PIEZO2: variants seen among roughly 807,000 people sequenced by gnomAD.
PIEZO2 encodes piezo type mechanosensitive ion channel component 2.
In PIEZO2, 172 loss-of-function variants were observed where a neutral mutation model predicts 337.3. The observed-to-expected ratio is 0.51, with a 90% CI of 0.45 to 0.58. PIEZO2 has a LOEUF of 0.58. PIEZO2 is among the 20% of genes least tolerant of loss of function. The pLI is 0.00. For missense variants in PIEZO2, 3,028 were observed against 3,391.3 expected (o/e 0.89, Z 2.66); for synonymous variants, 1,251 against 1,228.5 (o/e 1.02, Z -0.38).
At chr18:11,147,623 T>C (rs2040842358) in intron 1 of PIEZO2, among the ~76,000 whole-genome samples, 1 of 152,196 alleles carries the variant, frequency 6.6e-6, no homozygotes, top group Admixed American at 6.5e-5. Flanking sequence ...CTAGCTCTTG[T>C]TGGTGAGAGG....
At position 11,028,449 on chromosome 18, in the gene PIEZO2, C is replaced by T. The variant is rs558272989; in HGVS notation, c.160+37678G>A. Among the ~76,000 whole-genome samples the T allele has an allele frequency of 2.6e-5, 4 of 152,130 alleles. No homozygotes were observed. The East Asian group carries it at 7.8e-4, about 29-fold the overall frequency. ...GTAATTTTTGTATTTTTAGTAGAGA[C>T]AGGGTTTCACCATGCTGGCCAGGCT... On this transcript the variant is annotated intron_variant, in intron 2 of 55. Coordinates refer to ENST00000674853, the MANE Select transcript of PIEZO2 (RefSeq NM_001378183.1). This position sits in a 1 kb window ranked among gnomAD's most constrained non-coding sequence, Gnocchi z 4.8.
chr18:10,950,994 A>G (rs1012482775), intron 3 of PIEZO2, among the ~76,000 whole-genome samples: 2 of 152,170 alleles, frequency 1.3e-5, no homozygotes, highest in African/African-American at 4.8e-5. Context: ...GTTATACCCA[A>G]CTGAAACAGC....
chr18:10,949,792 G>A (rs1344289898), intron 3 of PIEZO2, among the ~76,000 whole-genome samples: 3 of 152,232 alleles, frequency 2.0e-5, no homozygotes, highest in African/African-American at 7.2e-5. Context: ...TCAGGAGACT[G>A]ACACACAGTT....
At chr18:10,695,790 C>T (rs192377069) in intron 47 of PIEZO2, among the ~76,000 whole-genome samples, 28 of 152,272 alleles carry the variant, frequency 1.8e-4, no homozygotes, top group Admixed American at 1.0e-3. Context: ...CACAAATACC[C>T]TAGGTTTGTT....
rs2035531023 is a variant in PIEZO2, at chr18:10,705,333, T to C, written c.5999+3A>G. On this transcript the variant is annotated splice_donor_region_variant and intron_variant, in intron 41 of 55. Coordinates refer to ENST00000674853, the MANE Select transcript of PIEZO2 (RefSeq NM_001378183.1). Reference sequence around the variant, plus strand: ...GTGTCTGATCTGTTCACTGGACCCTTACTTTTTCAGCAGCAGCTCGCTGGC... The same window carrying C: ...GTGTCTGATCTGTTCACTGGACCCTCACTTTTTCAGCAGCAGCTCGCTGGC... The C allele has an allele frequency of 2.0e-6, 3 of 1,529,166 alleles. No homozygotes were observed. The highest frequency in any genetic ancestry group is 2.6e-6 in the Non-Finnish European group (3 of 1,142,424). 94.7% of individuals were successfully genotyped at this position (1,529,166 alleles called of 1,614,324 possible).
At chr18:11,115,740 C>A (rs1598983640) in intron 1 of PIEZO2, among the ~76,000 whole-genome samples, 1 of 152,110 alleles carries the variant, frequency 6.6e-6, no homozygotes, top group East Asian at 1.9e-4. Flanking sequence ...AAGTGGGAAT[C>A]TTGTATTTTT....
At chr18:11,071,077 A>C (rs2038322399) in intron 1 of PIEZO2, among the ~76,000 whole-genome samples, 1 of 152,192 alleles carries the variant, frequency 6.6e-6, no homozygotes, top group Non-Finnish European at 1.5e-5. Flanking sequence ...AATGCAATAA[A>C]GCAAAATCCA....
intron 18 of PIEZO2, among the ~76,000 whole-genome samples, chr18:10,778,780 T>G (rs747212600): frequency 2.6e-5 from 4 of 152,200 alleles, no homozygotes; most frequent in Admixed American, 6.5e-5. Context: ...TTAGCTGGCC[T>G]TGTGGCTTGG....
intron 36 of PIEZO2, among the ~76,000 whole-genome samples, chr18:10,723,159 G>T (rs1250639062): frequency 6.6e-6 from 1 of 151,910 alleles, no homozygotes; most frequent in Non-Finnish European, 1.5e-5. Flanking sequence ...TAGAGATGGG[G>T]TTTCTGCATG....
intron 7 of PIEZO2, among the ~76,000 whole-genome samples, chr18:10,809,999 A>C (rs1466261862): frequency 6.6e-6 from 1 of 152,192 alleles, no homozygotes; most frequent in Admixed American, 6.5e-5. Flanking sequence ...GGAAATAAAA[A>C]GGTAAAGATG....
In PIEZO2 at chr18:11,149,546, G is replaced by C. The variant is rs924218675; in HGVS notation, c.-958C>G. On this transcript the variant is annotated 5_prime_UTR_variant, in exon 1 of 56. Coordinates refer to ENST00000674853, the MANE Select transcript of PIEZO2 (RefSeq NM_001378183.1). This position sits in a 1 kb window ranked among gnomAD's most constrained non-coding sequence, Gnocchi z 8.7. ...CGCGGCGCAGCCGGGGCTCCCCGGCGGCGCGCGCTTCTCCACCTTCAATGA... is the reference window on the plus strand; with the variant it reads ...CGCGGCGCAGCCGGGGCTCCCCGGCCGCGCGCGCTTCTCCACCTTCAATGA... Among the ~76,000 whole-genome samples, 6 of 151,914 alleles carry C rather than the reference G, an allele frequency of 3.9e-5. No homozygotes were observed. In the South Asian group the frequency reaches 1.2e-3, roughly 32 times the overall value.
chr18:11,088,764 TG>T (rs1285251625), intron 1 of PIEZO2, among the ~76,000 whole-genome samples: 2 of 152,108 alleles, frequency 1.3e-5, no homozygotes, highest in Non-Finnish European at 2.9e-5. Flanking sequence ...CAACCCCCAT[TG>T]GCTAAACCCA....
chr18:10,704,276 T>A, intron 42 of PIEZO2, 118 bp downstream of exon 42: 2 of 1,313,852 alleles, frequency 1.5e-6, no homozygotes, highest in South Asian at 1.5e-5. Flanking sequence ...GCATGTTCCA[T>A]GTGAAACTGT....
chr18:10,866,813 A>G (rs964504473), intron 5 of PIEZO2, among the ~76,000 whole-genome samples: 16 of 152,240 alleles, frequency 1.1e-4, no homozygotes, highest in African/African-American at 3.1e-4. Context: ...ATGACTTCCT[A>G]CAATAAAAAA....
intron 7 of PIEZO2, among the ~76,000 whole-genome samples, chr18:10,845,001 A>G (rs924660468): frequency 2.6e-5 from 4 of 152,196 alleles, no homozygotes; most frequent in African/African-American, 2.4e-5. Context: ...AACTATATTT[A>G]CATGTTATTA....
chr18:10,695,252 G>C (rs574788725), intron 47 of PIEZO2, among the ~76,000 whole-genome samples: 4 of 152,344 alleles, frequency 2.6e-5, no homozygotes, highest in African/African-American at 9.6e-5. Context: ...AGTGTTATCT[G>C]AACAGAGATC....
chr18:10,921,115 C>G (rs2031366474), intron 3 of PIEZO2, among the ~76,000 whole-genome samples: 1 of 152,112 alleles, frequency 6.6e-6, no homozygotes, highest in African/African-American at 2.4e-5. Context: ...GGAGTCAAAT[C>G]TAATAGAGGC....
At chr18:10,987,195 A>G (rs888169510) in intron 2 of PIEZO2, among the ~76,000 whole-genome samples, 2 of 152,034 alleles carry the variant, frequency 1.3e-5, no homozygotes, top group African/African-American at 2.4e-5. Flanking sequence ...TTTCACAGAA[A>G]TAGAAAAAAT....
chr18:10,983,159 T>C (rs2034734796), intron 2 of PIEZO2, among the ~76,000 whole-genome samples: 1 of 152,002 alleles, frequency 6.6e-6, no homozygotes, highest in Non-Finnish European at 1.5e-5. Context: ...ACTCTACAAA[T>C]TGAGAGGAAA....
Sources: allele counts gnomAD v4.1 joint callset (sites outside exome capture counted in the v4.1 genomes callset), GRCh38; gene constraint gnomAD v4.1.1; non-coding constraint Gnocchi (gnomAD v3.1); transcripts MANE v1.5; gene names NCBI Gene and HGNC (gene_info 2026-07-23, HGNC 2026-07-21).